AGMO: variants seen among roughly 807,000 people sequenced by gnomAD.
AGMO encodes glyceryl-ether monooxygenase.
A neutral mutation model predicts 60.2 loss-of-function variants in AGMO; 75 were observed. The observed-to-expected ratio is 1.25, with a 90% CI of 1.03 to 1.51. The LOEUF is 1.51. AGMO is among the 40% of genes most tolerant of loss of function. The probability of loss-of-function intolerance (pLI) is 0.00; values close to 1 mark genes in which losing one functional copy is unlikely to be tolerated. For missense variants in AGMO, 763 were observed against 525.5 expected (o/e 1.45, Z -4.42); for synonymous variants, 261 against 177.1 (o/e 1.47, Z -3.76).
chr7:15,303,609 G>A (rs1583384382), intron 12 of AGMO, among the ~76,000 whole-genome samples: 2 of 152,212 alleles, frequency 1.3e-5, no homozygotes, highest in African/African-American at 2.4e-5. Flanking sequence ...TAACTGCAAT[G>A]TGTGTTTCTT....
chr7:15,550,497 C>T (rs563746961), intron 2 of AGMO, among the ~76,000 whole-genome samples: 4 of 152,076 alleles, frequency 2.6e-5, no homozygotes, highest in Non-Finnish European at 5.9e-5. Flanking sequence ...CACCACCCAT[C>T]CCACAGAAAT....
chr7:15,137,802 T>C, the AGMO span, among the ~76,000 whole-genome samples: 2 of 152,102 alleles, frequency 1.3e-5, no homozygotes, highest in Admixed American at 1.3e-4. Context: ...GGGAGTGAAA[T>C]GACTAAAAGT....
At chr7:15,506,454 G>A (rs1380218285) in intron 3 of AGMO, among the ~76,000 whole-genome samples, 3 of 151,950 alleles carry the variant, frequency 2.0e-5, no homozygotes, top group African/African-American at 7.2e-5. Context: ...ACATTCGTTT[G>A]TCTTTATTCC....
intron 3 of AGMO, among the ~76,000 whole-genome samples, chr7:15,438,682 A>C (rs1034884007): frequency 1.3e-5 from 2 of 152,144 alleles, no homozygotes; most frequent in Non-Finnish European, 2.9e-5. Flanking sequence ...AGCAGAGGAC[A>C]CTAAGGCCCT....
intron 12 of AGMO, among the ~76,000 whole-genome samples, chr7:15,348,798 T>G (rs1293090169): frequency 1.3e-5 from 2 of 152,054 alleles, no homozygotes; most frequent in East Asian, 3.9e-4. Context: ...GGTTTAACAG[T>G]AAATGAAAAT....
intron 4 of AGMO, among the ~76,000 whole-genome samples, chr7:15,423,343 C>T (rs1780975859): frequency 6.6e-6 from 1 of 152,156 alleles, no homozygotes; most frequent in Admixed American, 6.6e-5. Flanking sequence ...TAAGACATAT[C>T]TACTTAGATT....
intron 12 of AGMO, among the ~76,000 whole-genome samples, chr7:15,307,935 CTT>C (rs777631870): frequency 6.6e-6 from 1 of 152,058 alleles, no homozygotes; most frequent in African/African-American, 2.4e-5. Context: ...ATGTCTCTCT[CTT>C]GTCAATCCTA....
Position 15,506,702 on chromosome 7 carries a change from C to T in AGMO, c.409+38070G>A, listed in dbSNP as rs557092796. On this transcript the variant is annotated intron_variant, in intron 3 of 12. Transcript: ENST00000342526. ...ATTAACTCCAATACCACTGTAGATGCAGAAACTGCTACAGCACATAGGAAA... is the reference window on the plus strand; with the variant it reads ...ATTAACTCCAATACCACTGTAGATGTAGAAACTGCTACAGCACATAGGAAA... Among the ~76,000 whole-genome samples the T allele has an allele frequency of 3.3e-5, 5 of 152,044 alleles. No individual in the cohort carries two copies. In the South Asian group the frequency reaches 1.0e-3, roughly 32 times the overall value.
At chr7:15,381,696 A>G (rs1285778412) in intron 10 of AGMO, among the ~76,000 whole-genome samples, 1 of 152,200 alleles carries the variant, frequency 6.6e-6, no homozygotes, top group Non-Finnish European at 1.5e-5. Flanking sequence ...AATATAAATC[A>G]TTCTTTTATA....
intron 12 of AGMO, among the ~76,000 whole-genome samples, chr7:15,291,946 G>A (rs146012859): frequency 3.2e-3 from 477 of 150,624 alleles, no homozygotes; most frequent in Middle Eastern, 0.01. Context: ...TTGTGGTGAC[G>A]GAGTGTGACA....
intron 12 of AGMO, among the ~76,000 whole-genome samples, chr7:15,342,259 G>T (rs1781879687): frequency 6.7e-6 from 1 of 148,512 alleles, no homozygotes. Context: ...TCTAGCAGCT[G>T]AGAAAGCCAT....
At chr7:15,376,497 T>C (rs905957433) in intron 10 of AGMO, among the ~76,000 whole-genome samples, 4 of 152,078 alleles carry the variant, frequency 2.6e-5, no homozygotes, top group Admixed American at 6.6e-5. Context: ...TTAAAAACCA[T>C]AAAAATGTTT....
In AGMO at chr7:15,558,329, C is replaced by A. The variant is rs907827541; in HGVS notation, c.257+1812G>T. Among the ~76,000 whole-genome samples, 3 of 151,778 alleles carry A rather than the reference C, an allele frequency of 2.0e-5. No individual in the cohort carries two copies. In the East Asian group the frequency reaches 5.8e-4, roughly 29 times the overall value. ...ATTCCAATTCAGTAAAATATATGAC[C>A]CATAATCGTATATACAGGGCAATTT... On this transcript the variant is annotated intron_variant, in intron 2 of 12. Coordinates refer to ENST00000342526, the MANE Select transcript of AGMO (RefSeq NM_001004320.2).
the AGMO span, among the ~76,000 whole-genome samples, chr7:15,135,418 G>GT: frequency 6.6e-6 from 1 of 151,980 alleles, no homozygotes; most frequent in African/African-American, 2.4e-5. Context: ...CTTCATGACT[G>GT]TAACATCTGC....
chr7:15,297,463 T>C (rs1784437324), intron 12 of AGMO, among the ~76,000 whole-genome samples: 1 of 152,154 alleles, frequency 6.6e-6, no homozygotes, highest in Admixed American at 6.6e-5. Context: ...TTTCAGCATC[T>C]AATGACTCAT....
At chr7:15,259,510 C>G (rs1057234548) in intron 12 of AGMO, among the ~76,000 whole-genome samples, 3 of 151,976 alleles carry the variant, frequency 2.0e-5, no homozygotes, top group Non-Finnish European at 4.4e-5. Flanking sequence ...GAAAACTACC[C>G]CGGCTTTACT....
chr7:15,418,445 G>A, intron 5 of AGMO, 113 bp downstream of exon 5: 1 of 661,572 alleles, frequency 1.5e-6, no homozygotes, highest in Non-Finnish European at 2.6e-6. Flanking sequence ...TTTCTCCTTA[G>A]AAAAGGCAGA....
chr7:15,282,125 T>A (rs1463521730), intron 12 of AGMO, among the ~76,000 whole-genome samples: 2 of 151,970 alleles, frequency 1.3e-5, no homozygotes, highest in African/African-American at 4.8e-5. Flanking sequence ...TCTGCCCAAA[T>A]AAGAAGCAAC....
chr7:15,276,417 G>T (rs942612484), intron 12 of AGMO, among the ~76,000 whole-genome samples: 1 of 151,980 alleles, frequency 6.6e-6, no homozygotes, highest in East Asian at 1.9e-4. Flanking sequence ...AATCTGATGA[G>T]ATTTACATTA....
Sources: gnomAD v4.1 joint callset for allele counts (sites outside exome capture counted in the v4.1 genomes callset) on GRCh38, gnomAD v4.1.1 for gene constraint, MANE v1.5 for transcripts, NCBI Gene and HGNC (gene_info 2026-07-23, HGNC 2026-07-21) for gene names.